COL21A1: variants seen among roughly 807,000 people sequenced by gnomAD.
The protein encoded by COL21A1 is collagen type XXI alpha 1 chain.
COL21A1 carries 149 observed loss-of-function variants against 137.9 expected under a neutral mutation model. The observed-to-expected ratio is 1.08, with a 90% CI of 0.95 to 1.24. COL21A1 has a LOEUF of 1.24. Among genes scored for constraint, COL21A1 ranks in the 50% most tolerant of loss-of-function variants. COL21A1 has a pLI of 0.00. For synonymous variants in COL21A1, 456 were observed against 391.5 expected, an observed-to-expected ratio of 1.16 and a Z score of -1.95; for missense variants, 1,167 against 1,158.4, an observed-to-expected ratio of 1.01 and a Z score of -0.11.
intron 10 of COL21A1, among the ~76,000 whole-genome samples, chr6:56,144,596 A>G (rs963430793): frequency 6.6e-6 from 1 of 152,228 alleles, no homozygotes; most frequent in Non-Finnish European, 1.5e-5. Flanking sequence ...TTAATCTTTC[A>G]TAAAAGATCA....
At chr6:56,098,416 TATATAAATATATAAATATATATAA>T (rs1769882820) in intron 17 of COL21A1, among the ~76,000 whole-genome samples, 12 of 7,690 alleles carry the variant, frequency 1.6e-3, no homozygotes, top group Non-Finnish European at 1.9e-3. Flanking sequence ...TATATATAAA[TATATAAATATATAAATATATATAA>T]ATATATATAT....
intron 1 of COL21A1, among the ~76,000 whole-genome samples, chr6:56,303,807 A>G (rs940061640): frequency 3.9e-5 from 6 of 152,040 alleles, no homozygotes; most frequent in Admixed American, 6.6e-5. Flanking sequence ...CCTGTCTTGT[A>G]CCAGTTTTCA....
chr6:56,287,300 A>G (rs1763937495), intron 1 of COL21A1, among the ~76,000 whole-genome samples: 1 of 152,164 alleles, frequency 6.6e-6, no homozygotes, highest in East Asian at 1.9e-4. Flanking sequence ...CCGTGTCCTA[A>G]TCTTCAGAAC....
At chr6:56,273,223 G>T (rs965520534) in intron 1 of COL21A1, among the ~76,000 whole-genome samples, 1 of 152,034 alleles carries the variant, frequency 6.6e-6, no homozygotes, top group Non-Finnish European at 1.5e-5. Flanking sequence ...AAATCTCTGG[G>T]ATTCAGCCAA....
intron 1 of COL21A1, among the ~76,000 whole-genome samples, chr6:56,281,993 G>A (rs560095776): frequency 1.3e-5 from 2 of 152,196 alleles, no homozygotes; most frequent in East Asian, 1.9e-4. Flanking sequence ...GCTGTGAGAC[G>A]ATGTGTCAAG....
At chr6:56,348,282 G>C (rs966133136) in intron 1 of COL21A1, among the ~76,000 whole-genome samples, 2 of 152,148 alleles carry the variant, frequency 1.3e-5, no homozygotes, top group African/African-American at 4.8e-5. Context: ...GCTGTGGCTC[G>C]GTGAGTTGAG....
At chr6:56,385,914 T>G (rs79537070) in intron 1 of COL21A1, among the ~76,000 whole-genome samples, 1 of 152,178 alleles carries the variant, frequency 6.6e-6, no homozygotes, top group Admixed American at 6.5e-5. Flanking sequence ...TTTTTTTTTT[T>G]TTGAAATGGA....
chr6:56,173,866 T>A (rs766261068), intron 3 of COL21A1, among the ~76,000 whole-genome samples: 4 of 152,120 alleles, frequency 2.6e-5, no homozygotes, highest in Non-Finnish European at 4.4e-5. Context: ...ATACAGAATA[T>A]TCCACCAAAC....
At chr6:56,208,148 T>A (rs2223599) in intron 1 of COL21A1, among the ~76,000 whole-genome samples, 98,787 of 151,250 alleles carry the variant, frequency 0.65, 32,649 homozygotes, top group East Asian at 0.86. Flanking sequence ...CTCTCTCACC[T>A]CTCCTAATCA....
At chr6:56,253,076 A>T (rs555769562) in intron 1 of COL21A1, among the ~76,000 whole-genome samples, 2 of 152,188 alleles carry the variant, frequency 1.3e-5, no homozygotes, top group African/African-American at 4.8e-5. Context: ...CTTAAAAGTG[A>T]TATGTTCATT....
Position 56,141,827 on chromosome 6 carries a change from T to C in COL21A1, c.1500A>G (p.Gly500=), listed in dbSNP as rs1159537640. The C allele has an allele frequency of 2.5e-6, 4 of 1,613,572 alleles. No individual in the cohort carries two copies. In the Admixed American group the frequency reaches 5.0e-5, roughly 20 times the overall value. The part of the protein sequence containing the change: ...PGSPGIQGAR[G]LPGYKGEPGR... ...CTGGTTCTCCTTTGTAACCTGGTAG[T>C]CCTCGAGCTCCCTAAATTAACCAGA... Residue 500 remains glycine, a synonymous_variant, in exon 12 of 30, where the codon GGA becomes GGG. Coordinates refer to ENST00000244728, the MANE Select transcript of COL21A1 (RefSeq NM_030820.4).
chr6:56,323,789 G>A (rs866390106), intron 1 of COL21A1, among the ~76,000 whole-genome samples: 22 of 152,248 alleles, frequency 1.4e-4, no homozygotes, highest in Middle Eastern at 3.4e-3. Flanking sequence ...GTACACTACA[G>A]TTAATAAGTA....
chr6:56,306,608 T>C (rs1016192636), intron 1 of COL21A1, among the ~76,000 whole-genome samples: 3 of 152,346 alleles, frequency 2.0e-5, no homozygotes, highest in African/African-American at 7.2e-5. Context: ...TTTTCTGCAT[T>C]GATTATTCTA....
chr6:56,100,106 C>T (rs543475828), intron 17 of COL21A1, among the ~76,000 whole-genome samples: 131 of 152,334 alleles, frequency 8.6e-4, no homozygotes, highest in African/African-American at 3.0e-3. Flanking sequence ...TCTACCTTTA[C>T]TTTCTAACAC....
intron 1 of COL21A1, among the ~76,000 whole-genome samples, chr6:56,281,213 G>T (rs1478814827): frequency 6.6e-6 from 1 of 152,024 alleles, no homozygotes; most frequent in East Asian, 1.9e-4. Flanking sequence ...GCATGTTTGG[G>T]CTGACAGAAT....
intron 1 of COL21A1, among the ~76,000 whole-genome samples, chr6:56,188,644 G>A (rs536367593): frequency 1.3e-5 from 2 of 152,264 alleles, no homozygotes; most frequent in South Asian, 4.1e-4. Context: ...GCTAAGGGTC[G>A]GACTGCCTCC....
At chr6:56,144,912 C>T (rs529048828) in intron 10 of COL21A1, among the ~76,000 whole-genome samples, 2 of 152,252 alleles carry the variant, frequency 1.3e-5, no homozygotes, top group Admixed American at 6.5e-5. Context: ...AGTTTCTTAC[C>T]ATAAACTGTT....
chr6:56,060,204 A>AGAC lies in COL21A1; in HGVS notation c.2419_2421dup (p.Val807dup). ...TTTCTAATTCTTCCACTCTGAAGTA[A>AGAC]GACTGGTAGCTGGGCTTTCAAAAAC... On this transcript the variant is annotated inframe_insertion, in exon 28 of 30. Transcript: ENST00000244728. 1.9e-6 allele frequency: 3 copies of AGAC among 1,602,652 alleles called. No individual in the cohort carries two copies. The highest frequency in any genetic ancestry group is 2.6e-6 in the Non-Finnish European group (3 of 1,176,100).
At chr6:56,095,374 G>T (rs904449622) in intron 17 of COL21A1, among the ~76,000 whole-genome samples, 3 of 152,018 alleles carry the variant, frequency 2.0e-5, no homozygotes, top group Non-Finnish European at 4.4e-5. Context: ...GCTAGTACCT[G>T]TTTAGTTCAT....
Sources: allele counts gnomAD v4.1 joint callset (sites outside exome capture counted in the v4.1 genomes callset), GRCh38; gene constraint gnomAD v4.1.1; transcripts MANE v1.5; gene names NCBI Gene and HGNC (gene_info 2026-07-23, HGNC 2026-07-21).